TRABD2B: variants seen among roughly 807,000 people sequenced by gnomAD.
The protein encoded by TRABD2B is TraB domain containing 2B.
A neutral mutation model predicts 40.1 loss-of-function variants in TRABD2B; 14 were observed. The ratio of observed to expected loss-of-function variants is 0.35; its 90% CI spans 0.23 to 0.55. TRABD2B has a LOEUF of 0.55. TRABD2B is among the 20% of genes least tolerant of loss of function. TRABD2B has a pLI of 0.90. For missense variants in TRABD2B, 541 were observed against 648.6 expected (o/e 0.83, Z 1.80); for synonymous variants, 263 against 277.0 (o/e 0.95, Z 0.50).
intron 2 of TRABD2B, among the ~76,000 whole-genome samples, chr1:47,908,798 G>A (rs1047512229): frequency 1.3e-5 from 2 of 152,246 alleles, no homozygotes; most frequent in Non-Finnish European, 2.9e-5. Context: ...GTACAGAGAT[G>A]GTTTTGGGAG....
intron 2 of TRABD2B, among the ~76,000 whole-genome samples, chr1:47,948,447 T>TA (rs1309529793): frequency 6.6e-6 from 1 of 152,236 alleles, no homozygotes; most frequent in Non-Finnish European, 1.5e-5. Context: ...GTTAACTTTT[T>TA]ACCTCTTCTT....
chr1:47,769,016 G>A (rs1023254892), intron 6 of TRABD2B, among the ~76,000 whole-genome samples: 1 of 152,162 alleles, frequency 6.6e-6, no homozygotes, highest in African/African-American at 2.4e-5. Context: ...AAGCGTGGGT[G>A]CTTCCGGCTG....
intron 2 of TRABD2B, among the ~76,000 whole-genome samples, chr1:47,987,431 T>C (rs982277040): frequency 5.9e-5 from 9 of 152,170 alleles, no homozygotes; most frequent in African/African-American, 2.2e-4. Context: ...TTTGGATTTA[T>C]GGTTGGAGAT....
intron 2 of TRABD2B, among the ~76,000 whole-genome samples, chr1:47,984,356 C>A (rs1645886850): frequency 6.6e-6 from 1 of 152,242 alleles, no homozygotes; most frequent in Admixed American, 6.5e-5. Flanking sequence ...GGCGCAGCCG[C>A]CCAACCGCTG....
At position 47,980,854 on chromosome 1, in the gene TRABD2B, C is replaced by T. The variant is rs1318061609; in HGVS notation, c.666+13180G>A. On this transcript the variant is annotated intron_variant, in intron 2 of 6. Coordinates refer to ENST00000606738, the MANE Select transcript of TRABD2B (RefSeq NM_001194986.2). ...CACTCTCTGCTTCCCAGGGCCACAGCCTTCCTCAAGAGGGACCCTCAGAAG... is the reference window on the plus strand; with the variant it reads ...CACTCTCTGCTTCCCAGGGCCACAGTCTTCCTCAAGAGGGACCCTCAGAAG... 2.0e-5 allele frequency among the ~76,000 whole-genome samples: 3 copies of T among 152,290 alleles called. No homozygotes were observed. In the East Asian group the frequency reaches 5.8e-4, roughly 29 times the overall value.
intron 2 of TRABD2B, among the ~76,000 whole-genome samples, chr1:47,847,645 A>C (rs1190836768): frequency 6.6e-6 from 1 of 152,190 alleles, no homozygotes; most frequent in East Asian, 1.9e-4. Flanking sequence ...CAGCCCTTGC[A>C]CATGGATCTG....
chr1:47,962,535 TTAA>T (rs557108549), intron 2 of TRABD2B, among the ~76,000 whole-genome samples: 13 of 152,278 alleles, frequency 8.5e-5, no homozygotes, highest in African/African-American at 2.6e-4. Context: ...CCCTTTGCCC[TTAA>T]TAATAATATC....
At chr1:47,827,054 A>G (rs1227573267) in intron 2 of TRABD2B, among the ~76,000 whole-genome samples, 1 of 152,080 alleles carries the variant, frequency 6.6e-6, no homozygotes, top group African/African-American at 2.4e-5. Flanking sequence ...TGGAGGACTG[A>G]GTATGAATGG....
At chr1:47,831,708 G>A (rs556449638) in intron 2 of TRABD2B, among the ~76,000 whole-genome samples, 9 of 152,188 alleles carry the variant, frequency 5.9e-5, no homozygotes, top group Admixed American at 1.3e-4. Flanking sequence ...CCAGCGGGTC[G>A]CAAACTGGCT....
chr1:47,889,230 C>G (rs1227802899), intron 2 of TRABD2B, among the ~76,000 whole-genome samples: 1 of 152,222 alleles, frequency 6.6e-6, no homozygotes, highest in Non-Finnish European at 1.5e-5. Context: ...ATGGAAGCTG[C>G]CCAGAATGGG....
At chr1:47,916,277 G>A (rs374780286) in intron 2 of TRABD2B, among the ~76,000 whole-genome samples, 1 of 152,264 alleles carries the variant, frequency 6.6e-6, no homozygotes, top group East Asian at 1.9e-4. Context: ...TCACTCATTG[G>A]TTCATCCATT....
intron 2 of TRABD2B, among the ~76,000 whole-genome samples, chr1:47,900,192 T>G (rs1644581166): frequency 6.6e-6 from 1 of 152,034 alleles, no homozygotes; most frequent in Non-Finnish European, 1.5e-5. Flanking sequence ...AGGGTGCTGT[T>G]GGCAGATTGT....
chr1:47,784,406 C>T (rs1042093703), intron 4 of TRABD2B, among the ~76,000 whole-genome samples: 4 of 152,098 alleles, frequency 2.6e-5, no homozygotes, highest in African/African-American at 4.8e-5. Context: ...GTTTCAGGAC[C>T]GTGTTGAGGG....
intron 2 of TRABD2B, among the ~76,000 whole-genome samples, chr1:47,988,191 G>A (rs1186874497): frequency 6.6e-6 from 1 of 152,148 alleles, no homozygotes; most frequent in Admixed American, 6.5e-5. Flanking sequence ...GGTTCTGAAA[G>A]GTGGGAGCAT....
At chr1:47,766,143 G>A in intron 6 of TRABD2B, 37 bp from the exon 7 acceptor site, 1 of 700,726 alleles carries the variant, frequency 1.4e-6, no homozygotes. Flanking sequence ...GTCACCATCG[G>A]CAGCCTCGTC....
At chr1:47,903,270 T>A (rs922941991) in intron 2 of TRABD2B, among the ~76,000 whole-genome samples, 1 of 152,154 alleles carries the variant, frequency 6.6e-6, no homozygotes, top group African/African-American at 2.4e-5. Context: ...CTGCAACTTC[T>A]GCACACCCTA....
chr1:47,922,470 C>T (rs962092931), intron 2 of TRABD2B, among the ~76,000 whole-genome samples: 2 of 152,176 alleles, frequency 1.3e-5, no homozygotes, highest in African/African-American at 2.4e-5. Context: ...TCAGCCCACA[C>T]AGAATCTAGC....
At chr1:47,985,099 C>T (rs1645902116) in intron 2 of TRABD2B, among the ~76,000 whole-genome samples, 2 of 152,236 alleles carry the variant, frequency 1.3e-5, no homozygotes, top group African/African-American at 4.8e-5. Flanking sequence ...CAATCCTATA[C>T]AGTTGACATG....
intron 2 of TRABD2B, among the ~76,000 whole-genome samples, chr1:47,895,795 G>A (rs1341270255): frequency 2.0e-5 from 3 of 152,236 alleles, no homozygotes; most frequent in South Asian, 2.1e-4. Flanking sequence ...TCCTCAGGTC[G>A]CACTGCTGAG....
Sources: allele counts gnomAD v4.1 joint callset (sites outside exome capture counted in the v4.1 genomes callset), GRCh38; gene constraint gnomAD v4.1.1; transcripts MANE v1.5; gene names NCBI Gene and HGNC (gene_info 2026-07-23, HGNC 2026-07-21).